ACVR1B: variants seen among roughly 807,000 people sequenced by gnomAD.
ACVR1B encodes activin A receptor type 1B.
In ACVR1B, 15 loss-of-function variants were observed where a neutral mutation model predicts 55.6. The observed-to-expected ratio is 0.27, with a 90% CI of 0.18 to 0.42. The LOEUF is 0.42. Ranked by LOEUF, ACVR1B falls within the 10% of genes least tolerant of loss-of-function variation. ACVR1B has a pLI of 1.00. For synonymous variants in ACVR1B, 247 were observed against 254.6 expected, an observed-to-expected ratio of 0.97 and a Z score of 0.28; for missense variants, 359 against 670.1, an observed-to-expected ratio of 0.54 and a Z score of 5.13.
intron 1 of ACVR1B, among the ~76,000 whole-genome samples, chr12:51,973,515 A>G (rs1425454138): frequency 6.6e-6 from 1 of 152,244 alleles, no homozygotes; most frequent in Non-Finnish European, 1.5e-5. Flanking sequence ...TAAATGTAAA[A>G]GCAGAAAGAA....
chr12:51,962,349 A>G (rs1007942782), intron 1 of ACVR1B, among the ~76,000 whole-genome samples: 5 of 151,790 alleles, frequency 3.3e-5, no homozygotes, highest in African/African-American at 1.2e-4. Flanking sequence ...AGTACTTTTT[A>G]CCAGTACATT....
chr12:51,989,203 CATT>C (rs1942139910), intron 7 of ACVR1B, among the ~76,000 whole-genome samples: 1 of 152,150 alleles, frequency 6.6e-6, no homozygotes, highest in Non-Finnish European at 1.5e-5. Context: ...AAAATTGTCT[CATT>C]AGCTCAAGAC....
chr12:51,966,553 A>G (rs561744609), intron 1 of ACVR1B, among the ~76,000 whole-genome samples: 43 of 152,286 alleles, frequency 2.8e-4, no homozygotes, highest in South Asian at 6.2e-4. Flanking sequence ...GGCTCAAGCA[A>G]TCCTTCCACC....
chr12:51,982,599 T>G (rs1268218990), intron 4 of ACVR1B: 2 of 1,371,494 alleles, frequency 1.5e-6, no homozygotes, highest in African/African-American at 3.0e-5. Context: ...GTGACATGAC[T>G]TGCTCCTGTG....
chr12:51,992,076 C>T, intron 8 of ACVR1B, 83 bp downstream of exon 8: 3 of 1,558,714 alleles, frequency 1.9e-6, no homozygotes, highest in East Asian at 2.2e-5. Flanking sequence ...GGGGTCAGGC[C>T]CCAGAGGAGC....
chr12:51,985,102 G>T lies in ACVR1B; in HGVS notation c.980-90G>T, dbSNP rs114421911. 3,267 of 1,354,916 alleles carry T rather than the reference G, an allele frequency of 2.4e-3. 59 individuals are homozygous for T. The African/African-American group carries it at 0.044, about 18-fold the overall frequency. 83.9% of individuals were successfully genotyped at this position (1,354,916 alleles called of 1,614,324 possible). On this transcript the variant is annotated intron_variant, in intron 5 of 8. Transcript: ENST00000257963. Reference sequence around the variant, plus strand: ...CTGGATTAGCAGGAGGCAAAGCCAGGACTCAAACCTATACAGTCTGGCTGC... The same window carrying T: ...CTGGATTAGCAGGAGGCAAAGCCAGTACTCAAACCTATACAGTCTGGCTGC...
intron 1 of ACVR1B, among the ~76,000 whole-genome samples, chr12:51,970,162 A>G (rs1941719955): frequency 1.3e-5 from 2 of 152,298 alleles, no homozygotes; most frequent in South Asian, 4.1e-4. Context: ...TGATATTTGC[A>G]GGGTGCTGAA....
intron 1 of ACVR1B, among the ~76,000 whole-genome samples, chr12:51,953,975 GT>G (rs2120408757): frequency 6.6e-6 from 1 of 152,294 alleles, no homozygotes; most frequent in Non-Finnish European, 1.5e-5. Context: ...AGACACTACA[GT>G]TTTTTCCAGG....
chr12:51,977,270 T>C lies in ACVR1B; in HGVS notation c.580+695T>C, dbSNP rs74093023. On this transcript the variant is annotated intron_variant, in intron 3 of 8. Coordinates refer to ENST00000257963, the MANE Select transcript of ACVR1B (RefSeq NM_004302.5). ...GCTAGCTATTAAATGTGAACATGAATGCAAAAGAATTTTTTTACTTACTTA... is the reference window on the plus strand; with the variant it reads ...GCTAGCTATTAAATGTGAACATGAACGCAAAAGAATTTTTTTACTTACTTA... 3.9e-3 allele frequency among the ~76,000 whole-genome samples: 593 copies of C among 152,280 alleles called. 4 individuals carry two copies. Among genetic ancestry groups the C allele is most frequent in the African/African-American group, 0.014 (567 of 41,556 alleles).
chr12:51,971,873 C>G (rs910355770), intron 1 of ACVR1B, among the ~76,000 whole-genome samples: 1 of 152,168 alleles, frequency 6.6e-6, no homozygotes, highest in Non-Finnish European at 1.5e-5. Flanking sequence ...TCCCTTCTTT[C>G]TGGTTAATCA....
chr12:51,972,975 C>G (rs1335812441), intron 1 of ACVR1B, among the ~76,000 whole-genome samples: 1 of 152,130 alleles, frequency 6.6e-6, no homozygotes, highest in Non-Finnish European at 1.5e-5. Context: ...CAAACCCACA[C>G]GGCCCAGCCC....
rs144018208 is a variant in ACVR1B, at chr12:51,956,925, A to G, written c.91+5091A>G. Reference sequence around the variant, plus strand: ...CAGGTGTACACCACCACACCTGGCTAATTTTTGTATTTATTTACTTTTTGG... The same window carrying G: ...CAGGTGTACACCACCACACCTGGCTGATTTTTGTATTTATTTACTTTTTGG... On this transcript the variant is annotated intron_variant, in intron 1 of 8. Coordinates refer to ENST00000257963, the MANE Select transcript of ACVR1B (RefSeq NM_004302.5). Among the ~76,000 whole-genome samples the G allele has an allele frequency of 1.6e-3, 237 of 151,622 alleles. 3 individuals are homozygous for G. The highest frequency in any genetic ancestry group is 5.4e-3 in the African/African-American group (223 of 41,336).
chr12:51,991,091 G>C (rs572125052), intron 7 of ACVR1B, among the ~76,000 whole-genome samples: 114 of 152,280 alleles, frequency 7.5e-4, no homozygotes, highest in African/African-American at 2.7e-3. Flanking sequence ...TGGTTCCCAT[G>C]ATATATAGTT....
rs1408077674 is a variant in ACVR1B at position 51,981,030 on chromosome 12, C to G, written c.642C>G (p.Gly214=). The G allele has an allele frequency of 6.2e-7, 1 of 1,614,036 alleles. No homozygotes were observed. The highest frequency in any genetic ancestry group is 8.5e-7 in the Non-Finnish European group (1 of 1,179,974). Residue 214 remains glycine, a synonymous_variant, in exon 4 of 9, where the codon GGC becomes GGG. Transcript: ENST00000257963. The stretch of plus-strand genomic sequence containing the variant: ...CCATCGTTTTACAAGAGATTATTGG[C>G]AAGGGTCGGTTTGGGGAAGTATGGC... ...ARTIVLQEII[G]KGRFGEVWRG...
chr12:51,981,366 C>G (rs2120665057), intron 4 of ACVR1B, among the ~76,000 whole-genome samples, 167 bp downstream of exon 4: 1 of 152,164 alleles, frequency 6.6e-6, no homozygotes, highest in Non-Finnish European at 1.5e-5. Flanking sequence ...GCCTTTTATT[C>G]CATGAAAAGG....
chr12:51,957,762 C>G (rs1036058045), intron 1 of ACVR1B, among the ~76,000 whole-genome samples: 2 of 152,162 alleles, frequency 1.3e-5, no homozygotes, highest in Non-Finnish European at 2.9e-5. Flanking sequence ...TAACATTGAA[C>G]TTTACTGACA....
At chr12:51,957,633 G>C (rs575162408) in intron 1 of ACVR1B, among the ~76,000 whole-genome samples, 2 of 152,134 alleles carry the variant, frequency 1.3e-5, no homozygotes, top group Admixed American at 1.3e-4. Context: ...TCAAATTCCT[G>C]GGCTCAAATT....
Position 51,993,982 on chromosome 12 carries a change from C to T in ACVR1B, c.1393-3C>T, listed in dbSNP as rs1457447623. The T allele has an allele frequency of 3.1e-6, 5 of 1,613,822 alleles. No individual in the cohort carries two copies. The highest frequency in any genetic ancestry group is 4.2e-6 in the Non-Finnish European group (5 of 1,179,962). On this transcript the variant is annotated splice_polypyrimidine_tract_variant and splice_region_variant and intron_variant, in intron 8 of 8. Coordinates refer to ENST00000257963, the MANE Select transcript of ACVR1B (RefSeq NM_004302.5). ...AGCTGATGGCTCCTGGGTCTCTGCA[C>T]AGGCACTGCGGGTGATGGGGAAGAT...
At chr12:51,982,816 A>G (rs1313437238) in intron 4 of ACVR1B, 2 of 1,499,820 alleles carry the variant, frequency 1.3e-6, no homozygotes, top group African/African-American at 1.4e-5. Flanking sequence ...TGAGTAAGCT[A>G]TTCCTTTTTA....
Sources: allele counts gnomAD v4.1 joint callset (sites outside exome capture counted in the v4.1 genomes callset), GRCh38; gene constraint gnomAD v4.1.1; transcripts MANE v1.5; gene names NCBI Gene and HGNC (gene_info 2026-07-23, HGNC 2026-07-21).